The following MACF1 variants were observed in gnomAD, a reference collection of about 807,000 sequenced individuals.
MACF1 encodes microtubule-actin cross-linking factor 1.
Under a neutral mutation model 854.8 loss-of-function variants are expected in MACF1, and 193 were observed. The ratio of observed to expected loss-of-function variants is 0.23; its 90% CI spans 0.20 to 0.25. The LOEUF (loss-of-function observed/expected upper bound fraction) is 0.25. Among genes scored for constraint, MACF1 ranks in the 10% least tolerant of loss-of-function variants. MACF1 has a pLI of 1.00. For missense variants in MACF1, 7,722 were observed against 8,929.1 expected (o/e 0.86, Z 5.45); for synonymous variants, 3,185 against 3,226.7 (o/e 0.99, Z 0.44).
rs1180372879 is a variant in MACF1, at chr1:39,388,004, T to C, written c.15162T>C (p.Ala5054=). 6.8e-6 allele frequency: 11 copies of C among 1,613,980 alleles called. No homozygotes were observed. Among genetic ancestry groups the C allele is most frequent in the Non-Finnish European group, 9.3e-6 (11 of 1,180,032 alleles). The change falls in exon 58 of 101, where the codon GCT becomes GCC. Residue 5054 remains alanine (A), a synonymous_variant. Transcript: ENST00000564288. ...CSNKNLEKLR[A]QQEVLQALEP... ...ACAAGAACCTGGAGAAGCTAAGAGC[T>C]CAACAGGAAGTGCTGCAGGCCCTAG...
chr1:39,365,638 A>G (rs999635048), intron 49 of MACF1, among the ~76,000 whole-genome samples: 11 of 151,456 alleles, frequency 7.3e-5, no homozygotes, highest in Non-Finnish European at 1.3e-4. Flanking sequence ...CATATACACA[A>G]TTTTTATATG....
chr1:39,482,506 GT>G (rs1197679947), intron 99 of MACF1, among the ~76,000 whole-genome samples: 1 of 144,802 alleles, frequency 6.9e-6, no homozygotes, highest in African/African-American at 2.5e-5. Context: ...TGTTTTGGGG[GT>G]TTTTTTGTTT....
chr1:39,238,803 C>A (rs536369425), intron 2 of MACF1, among the ~76,000 whole-genome samples: 1 of 152,328 alleles, frequency 6.6e-6, no homozygotes, highest in African/African-American at 2.4e-5. Flanking sequence ...ATTTGCTCAT[C>A]TTGGGATATT....
chr1:39,312,688 G>A (rs575794107), intron 26 of MACF1, among the ~76,000 whole-genome samples: 1 of 152,214 alleles, frequency 6.6e-6, no homozygotes, highest in Non-Finnish European at 1.5e-5. Context: ...AGCCAGGTGT[G>A]GTGGCAGGTG....
At chr1:39,123,459 C>T (rs374631686) in intron 2 of MACF1, among the ~76,000 whole-genome samples, 4 of 151,808 alleles carry the variant, frequency 2.6e-5, no homozygotes, top group Admixed American at 2.6e-4. Flanking sequence ...CCACCCGCCT[C>T]GGCATCCCAA....
intron 2 of MACF1, among the ~76,000 whole-genome samples, chr1:39,175,299 A>G (rs570493500): frequency 7.9e-4 from 120 of 152,362 alleles, no homozygotes; most frequent in African/African-American, 2.7e-3. Context: ...TGCCAGAACA[A>G]AGTTGGAATA....
At position 39,428,412 on chromosome 1, in the gene MACF1, C is replaced by T. The variant is rs1643793368; in HGVS notation, c.16803+125C>T. The T allele has an allele frequency of 6.3e-5, 58 of 915,092 alleles. 2 individuals are homozygous for T. The South Asian group carries it at 1.0e-3, about 16-fold the overall frequency. The allele number at this position is 915,092 out of a possible 1,614,324, so 56.7% of individuals were successfully genotyped here. ...TTCAACTTTATTTTATACACAAGTG[C>T]ATAGTTAGTGGACTTGATGCTGACT... On this transcript the variant is annotated intron_variant, in intron 63 of 100. Coordinates refer to ENST00000564288, the MANE Select transcript of MACF1 (RefSeq NM_001394062.1).
intron 12 of MACF1, 21 bp downstream of exon 12, chr1:39,285,231 T>A: frequency 6.2e-7 from 1 of 1,613,800 alleles, no homozygotes; most frequent in African/African-American, 1.3e-5. Context: ...ATCCTGAGAG[T>A]GGTCTGACAT....
Position 39,455,075 on chromosome 1 carries a change from A to G in MACF1, c.21053A>G (p.Lys7018Arg). ...EPIPQNIDRV[K>R]ALIAEHQTFM... ...ATCCCGCAGAACATTGACCGAGTTA[A>G]AGCCCTTATCGCTGAGCATCAGGTA... The change falls in exon 89 of 101, where the codon AAA becomes AGA. Residue 7018 changes from lysine (K) to arginine (R), a missense_variant. Transcript: ENST00000564288. The G allele has an allele frequency of 6.2e-7, 1 of 1,614,096 alleles. No individual in the cohort carries two copies. The highest frequency in any genetic ancestry group is 8.5e-7 in the Non-Finnish European group (1 of 1,179,984).
Position 39,414,096 on chromosome 1 carries a change from C to T in MACF1, c.15817-8278C>T, listed in dbSNP as rs180964189. 9.3e-5 allele frequency: 147 copies of T among 1,586,348 alleles called. 1 individual carries two copies. Among genetic ancestry groups the T allele is most frequent in the Non-Finnish European group, 1.1e-4 (134 of 1,168,628 alleles). On this transcript the variant is annotated intron_variant, in intron 58 of 100. Coordinates refer to ENST00000564288, the MANE Select transcript of MACF1 (RefSeq NM_001394062.1). ...CCCCAGCAGCTTCAGTGCCCACCCC[C>T]GAGGAGCCTGCCTCCCCAGCAGCTG... is the stretch of plus-strand genomic sequence containing the variant.
At chr1:39,391,286 C>T (rs1343354817) in intron 58 of MACF1, among the ~76,000 whole-genome samples, 1 of 151,984 alleles carries the variant, frequency 6.6e-6, no homozygotes, top group East Asian at 1.9e-4. Context: ...GTGATATTCT[C>T]AAGGATGTGA....
At chr1:39,410,079 G>A (rs1642918657) in intron 58 of MACF1, 3 of 468,288 alleles carry the variant, frequency 6.4e-6, no homozygotes, top group Non-Finnish European at 1.1e-5. Flanking sequence ...GGAAAAAGCT[G>A]TTTGTCTTAG....
rs763761872 is a variant in MACF1, at chr1:39,232,755, T to TTTTG, written c.171+1515_171+1516insGTTT. Among the ~76,000 whole-genome samples, 123 of 30,974 alleles carry TTTTG rather than the reference T, an allele frequency of 4.0e-3. 2 individuals are homozygous for TTTTG. Among genetic ancestry groups the TTTTG allele is most frequent in the East Asian group, 0.018 (6 of 340 alleles). 20.3% of individuals were successfully genotyped at this position (30,974 alleles called of 152,430 possible). ...CTCTCATACTCTCTTTGTTTTTTTT[T>TTTTG]TTTTTTTTTTTTTGTTTGTTTGTTT... On this transcript the variant is annotated intron_variant, in intron 2 of 100. Coordinates refer to ENST00000564288, the MANE Select transcript of MACF1 (RefSeq NM_001394062.1).
chr1:39,372,791 C>T (rs1306199618), intron 52 of MACF1, 195 bp downstream of exon 52: 2 of 499,060 alleles, frequency 4.0e-6, no homozygotes, highest in Admixed American at 3.6e-5. Context: ...TTGCAAAATT[C>T]CTTCCCATGA....
intron 1 of MACF1, among the ~76,000 whole-genome samples, chr1:39,220,480 AATTTTT>A (rs1644637830): frequency 1.9e-5 from 1 of 52,426 alleles, no homozygotes; most frequent in African/African-American, 4.6e-5. Context: ...GCCTTTAATG[AATTTTT>A]TTTTTTTTTT....
Position 39,353,139 on chromosome 1 carries a change from A to C in MACF1, c.11332A>C (p.Ser3778Arg), listed in dbSNP as rs1243354947. 5.6e-6 allele frequency: 9 copies of C among 1,614,058 alleles called. No individual in the cohort carries two copies. Among genetic ancestry groups the C allele is most frequent in the Non-Finnish European group, 7.6e-6 (9 of 1,180,008 alleles). ...AGGAATGGAGCAGCTCTCGGGAGCT[A>C]GCTTGGAGAAAGGAGCCTTGGACAC... ...LPGMEQLSGA[S>R]LEKGALDTTD... The change falls in exon 44 of 101, where the codon AGC becomes CGC. Residue 3778 changes from serine to arginine, a missense_variant. Transcript: ENST00000564288.
At chr1:39,435,856 A>T in intron 70 of MACF1, 95 bp downstream of exon 70, 7 of 1,086,974 alleles carry the variant, frequency 6.4e-6, no homozygotes, top group Non-Finnish European at 9.5e-6. Flanking sequence ...AGGAATGTCC[A>T]GAGCAGCATG....
rs763130612 is a variant in MACF1 at position 39,333,814 on chromosome 1, G to A, written c.7226G>A (p.Gly2409Asp). The A allele has an allele frequency of 1.9e-6, 3 of 1,614,188 alleles. No homozygotes were observed. The highest frequency in any genetic ancestry group is 1.1e-5 in the South Asian group (1 of 91,084). ...TRILERQVVT[G>D]GIIDLKRGKK... is the part of the protein sequence containing the mutation. ...ATTTTAGAGAGGCAGGTGGTGACTGGTGGAATTATTGATCTGAAACGAGGC... is the reference window on the plus strand; with the variant it reads ...ATTTTAGAGAGGCAGGTGGTGACTGATGGAATTATTGATCTGAAACGAGGC... The change falls in exon 37 of 101, where the codon GGT (glycine) becomes GAT (aspartate). Residue 2409 changes from glycine (G) to aspartate (D), a missense_variant. This residue lies in a region of MACF1 where 1,531 missense variants were observed against 1,601.6 expected (regional missense o/e 0.96). Transcript: ENST00000564288.
intron 2 of MACF1, among the ~76,000 whole-genome samples, chr1:39,145,921 C>T (rs1643453377): frequency 6.6e-6 from 1 of 152,142 alleles, no homozygotes; most frequent in African/African-American, 2.4e-5. Context: ...CAGAAATTTG[C>T]ATGTAATGTA....
Sources: gnomAD v4.1 joint callset for allele counts (sites outside exome capture counted in the v4.1 genomes callset) on GRCh38, gnomAD v4.1.1 for gene constraint, gnomAD v4.1.1 regional missense constraint, MANE v1.5 for transcripts, NCBI Gene and HGNC (gene_info 2026-07-23, HGNC 2026-07-21) for gene names.